CA2: variants seen among roughly 807,000 people sequenced by gnomAD.
CA2 encodes carbonate dehydratase II.
CA2 carries 23 observed loss-of-function variants against 27.8 expected under a neutral mutation model. That is an observed-to-expected ratio of 0.83 (90% confidence interval 0.59 to 1.17). CA2 has a LOEUF of 1.17. Ranked by LOEUF, CA2 falls within the 50% of genes most tolerant of loss-of-function variation. The pLI is 0.00. For synonymous variants in CA2, 99 were observed against 114.9 expected (o/e 0.86, Z 0.88); for missense variants, 300 against 314.7 (o/e 0.95, Z 0.35).
At chr8:85,464,347 C>T (rs1046537796) in intron 1 of CA2, 1 of 447,190 alleles carries the variant, frequency 2.2e-6, no homozygotes, top group Non-Finnish European at 3.9e-6. Flanking sequence ...GAGGAATCCC[C>T]GCGTCCGCCG....
chr8:85,466,996 G>C (rs1216930820), intron 2 of CA2, among the ~76,000 whole-genome samples: 1 of 152,152 alleles, frequency 6.6e-6, no homozygotes, highest in Non-Finnish European at 1.5e-5. Context: ...AGCTACTTTA[G>C]TCTGTAGCTG....
At chr8:85,476,681 G>A (rs552385135) in intron 5 of CA2, among the ~76,000 whole-genome samples, 1 of 152,122 alleles carries the variant, frequency 6.6e-6, no homozygotes, top group South Asian at 2.1e-4. Flanking sequence ...GAAAAGTGTA[G>A]TGTCCAAAAC....
intron 1 of CA2, 173 bp downstream of exon 1, chr8:85,464,288 T>C (rs964957009): frequency 3.3e-5 from 17 of 513,570 alleles, no homozygotes; most frequent in Non-Finnish European, 5.6e-5. Context: ...CGCTCGCGGC[T>C]CCGCGGCGCC....
chr8:85,464,049 G>A lies in CA2; in HGVS notation c.-33G>A, dbSNP rs1053036058. The A allele has an allele frequency of 8.4e-6, 13 of 1,542,670 alleles. 1 individual carries two copies. The highest frequency in any genetic ancestry group is 7.8e-5 in the Admixed American group (4 of 51,168). ...AAGCCGCCGCCGCCAGATCGGTGCC[G>A]ATTCCTGCCCTGCCCCGACCGCCAG... is the stretch of plus-strand genomic sequence containing the variant. On this transcript the variant is annotated 5_prime_UTR_variant, in exon 1 of 7. Coordinates refer to ENST00000285379, the MANE Select transcript of CA2 (RefSeq NM_000067.3).
At chr8:85,466,679 T>C (rs373382992) in intron 2 of CA2, among the ~76,000 whole-genome samples, 2,265 of 149,032 alleles carry the variant, frequency 0.015, 27 homozygotes, top group South Asian at 0.032. Flanking sequence ...CATACATACA[T>C]ACACACACAC....
intron 6 of CA2, among the ~76,000 whole-genome samples, chr8:85,480,445 G>A (rs113439213): frequency 6.9e-6 from 1 of 144,496 alleles, no homozygotes; most frequent in Non-Finnish European, 1.5e-5. Flanking sequence ...GTGTGTGTGT[G>A]TTTTTTTTTT....
intron 1 of CA2, chr8:85,465,054 C>T (rs891739955): frequency 1.8e-6 from 1 of 558,498 alleles, no homozygotes; most frequent in African/African-American, 1.9e-5. Context: ...GATTCTAATT[C>T]TTACAGCGAC....
chr8:85,466,184 T>A (rs895323983), intron 2 of CA2, among the ~76,000 whole-genome samples: 2 of 150,242 alleles, frequency 1.3e-5, no homozygotes, highest in African/African-American at 4.9e-5. Context: ...TTTTTTTTTT[T>A]ATCTCTCTCT....
intron 2 of CA2, among the ~76,000 whole-genome samples, chr8:85,467,005 T>C (rs1811641198): frequency 6.6e-6 from 1 of 152,216 alleles, no homozygotes; most frequent in African/African-American, 2.4e-5. Context: ...AGTCTGTAGC[T>C]GTACTTTTTT....
At chr8:85,471,690 A>C (rs1811714898) in intron 2 of CA2, among the ~76,000 whole-genome samples, 1 of 152,034 alleles carries the variant, frequency 6.6e-6, no homozygotes, top group South Asian at 2.1e-4. Flanking sequence ...TTTGCTTCTT[A>C]TTATCAGCCA....
intron 4 of CA2, 147 bp downstream of exon 4, chr8:85,474,563 T>C: frequency 1.4e-6 from 1 of 711,250 alleles, no homozygotes. Flanking sequence ...CCTCCTTTCA[T>C]ATCTGCTAGT....
chr8:85,468,381 T>TA (rs1283901978), intron 2 of CA2, among the ~76,000 whole-genome samples: 1 of 152,250 alleles, frequency 6.6e-6, no homozygotes, highest in African/African-American at 2.4e-5. Flanking sequence ...CATTTTCAGT[T>TA]ACTTTGGTTA....
In CA2 at chr8:85,465,380, C is replaced by G. The variant is rs777837845; in HGVS notation, c.143C>G (p.Ser48Cys). Reference sequence around the variant, plus strand: ...TATGACCCTTCCCTGAAGCCCCTGTCTGTTTCCTATGATCAAGCAACTTCC... The same window carrying G: ...TATGACCCTTCCCTGAAGCCCCTGTGTGTTTCCTATGATCAAGCAACTTCC... ...AKYDPSLKPLSVSYDQATSLR... is the reference protein window; with the variant it reads ...AKYDPSLKPLCVSYDQATSLR... Residue 48 changes from serine (S) to cysteine (C), a missense_variant, in exon 2 of 7, where the codon TCT becomes TGT. Physicochemically the swap from Ser to Cys is moderately radical, Grantham distance 112. Transcript: ENST00000285379. The G allele has an allele frequency of 6.2e-7, 1 of 1,614,084 alleles. No homozygotes were observed. The highest frequency in any genetic ancestry group is 8.5e-7 in the Non-Finnish European group (1 of 1,180,026).
At chr8:85,469,303 A>G (rs1563432746) in intron 2 of CA2, among the ~76,000 whole-genome samples, 1 of 152,174 alleles carries the variant, frequency 6.6e-6, no homozygotes, top group Non-Finnish European at 1.5e-5. Flanking sequence ...AGAACTTCTC[A>G]TAGATTGAGG....
chr8:85,474,844 T>C (rs566397320), intron 4 of CA2, among the ~76,000 whole-genome samples: 1 of 152,262 alleles, frequency 6.6e-6, no homozygotes, highest in East Asian at 1.9e-4. Flanking sequence ...TGGAGAAAGG[T>C]CTGGGCTGGA....
intron 2 of CA2, among the ~76,000 whole-genome samples, chr8:85,468,331 C>A (rs1811660044): frequency 6.6e-6 from 1 of 152,208 alleles, no homozygotes; most frequent in Admixed American, 6.5e-5. Flanking sequence ...CCCTCCTTTG[C>A]ATATGAAAGA....
At chr8:85,464,982 A>G (rs900226757) in intron 1 of CA2, 9 of 334,452 alleles carry the variant, frequency 2.7e-5, no homozygotes, top group Admixed American at 4.4e-5. Context: ...ATTTCAGTAA[A>G]ACGACCTTAA....
intron 2 of CA2, among the ~76,000 whole-genome samples, chr8:85,466,529 A>T (rs1420025520): frequency 6.6e-6 from 1 of 152,116 alleles, no homozygotes; most frequent in Non-Finnish European, 1.5e-5. Flanking sequence ...TTTCAACTTT[A>T]AAAAAATTTG....
chr8:85,470,015 G>A (rs1254326619), intron 2 of CA2, among the ~76,000 whole-genome samples: 5 of 152,164 alleles, frequency 3.3e-5, no homozygotes, highest in East Asian at 1.9e-4. Flanking sequence ...TGTCATGCAC[G>A]CAGTAATGGT....
Sources: allele counts gnomAD v4.1 joint callset (sites outside exome capture counted in the v4.1 genomes callset), GRCh38; gene constraint gnomAD v4.1.1; transcripts MANE v1.5; gene names NCBI Gene and HGNC (gene_info 2026-07-23, HGNC 2026-07-21).